Variants in NBEA observed in about 807,000 individuals in gnomAD.
NBEA encodes the protein neurobeachin, also known as lysosomal-trafficking regulator 2.
NBEA carries 44 observed loss-of-function variants against 343.4 expected under a neutral mutation model. The ratio of observed to expected loss-of-function variants is 0.13; its 90% confidence interval spans 0.10 to 0.16. NBEA has a LOEUF of 0.16. Ranked by LOEUF, NBEA falls within the 10% of genes least tolerant of loss-of-function variation. The probability of loss-of-function intolerance (pLI) is 1.00; values close to 1 mark genes in which losing one functional copy is unlikely to be tolerated. For synonymous variants in NBEA, 1,175 were observed against 1,238.7 expected (o/e 0.95, Z 1.08); for missense variants, 2,555 against 3,631.3 (o/e 0.70, Z 7.62).
chr13:35,185,496 C>T (rs1295077076), intron 30 of NBEA: 3 of 152,088 alleles, frequency 2.0e-5, no homozygotes, highest in African/African-American at 7.2e-5. Flanking sequence ...TGCTGGCTGA[C>T]AAACACATCT....
intron 10 of NBEA, among the ~76,000 whole-genome samples, chr13:35,088,674 C>A (rs2152622383): frequency 6.6e-6 from 1 of 151,840 alleles, no homozygotes; most frequent in South Asian, 2.1e-4. Context: ...TAAAAAAAAT[C>A]TAACCAAAAC....
chr13:35,406,492 A>G (rs1181660800), intron 38 of NBEA, among the ~76,000 whole-genome samples: 3 of 152,054 alleles, frequency 2.0e-5, no homozygotes, highest in Non-Finnish European at 2.9e-5. Context: ...AGTCCATTGT[A>G]TCATTCTTAT....
rs2035661230 is a variant in NBEA, at chr13:35,289,520, C to T, written c.5777-869C>T. Among the ~76,000 whole-genome samples, 3 of 151,820 alleles carry T rather than the reference C, an allele frequency of 2.0e-5. No homozygotes were observed. The South Asian group carries it at 6.2e-4, about 31-fold the overall frequency. Reference sequence around the variant, plus strand: ...CAATTAAGATCTGCTTTCTTATATACATCGTTATACAGCAGTCATACTTTT... The same window carrying T: ...CAATTAAGATCTGCTTTCTTATATATATCGTTATACAGCAGTCATACTTTT... On this transcript the variant is annotated intron_variant, in intron 34 of 58. Transcript: ENST00000379939.
intron 17 of NBEA, among the ~76,000 whole-genome samples, chr13:35,127,903 C>A (rs183352494): frequency 5.6e-4 from 84 of 151,116 alleles, no homozygotes; most frequent in African/African-American, 2.0e-3. Flanking sequence ...GTCTTACTGT[C>A]ATTAAAAAAA....
At chr13:35,045,482 A>C (rs1218363848) in intron 4 of NBEA, 81 bp downstream of exon 4, 2 of 1,121,464 alleles carry the variant, frequency 1.8e-6, no homozygotes, top group African/African-American at 1.6e-5. Context: ...CATATAATAA[A>C]ATTTACCAGT....
chr13:35,006,114 G>A (rs1287275755), intron 1 of NBEA, among the ~76,000 whole-genome samples: 7 of 151,938 alleles, frequency 4.6e-5, no homozygotes, highest in South Asian at 4.1e-4. Flanking sequence ...GTCTCTTTAC[G>A]TGTAATTATT....
At chr13:35,362,716 T>A (rs2040881981) in intron 38 of NBEA, among the ~76,000 whole-genome samples, 1 of 152,034 alleles carries the variant, frequency 6.6e-6, no homozygotes, top group African/African-American at 2.4e-5. Flanking sequence ...TTATGAGAGC[T>A]ATGTAAATGT....
intron 38 of NBEA, among the ~76,000 whole-genome samples, chr13:35,414,827 A>ACT (rs952815958): frequency 3.3e-5 from 5 of 152,160 alleles, no homozygotes; most frequent in Admixed American, 6.5e-5. Context: ...CAATGGTTGA[A>ACT]CTAGTTTACA....
At chr13:35,104,397 G>A (rs1489011576) in intron 11 of NBEA, among the ~76,000 whole-genome samples, 3 of 151,804 alleles carry the variant, frequency 2.0e-5, no homozygotes, top group Non-Finnish European at 4.4e-5. Flanking sequence ...GAAAGCAGGG[G>A]CAATGTATAT....
At chr13:35,503,231 T>C (rs909902061) in intron 41 of NBEA, among the ~76,000 whole-genome samples, 1 of 151,716 alleles carries the variant, frequency 6.6e-6, no homozygotes, top group African/African-American at 2.4e-5. Context: ...TTAAATATTA[T>C]AGTGTAGTCA....
At chr13:35,092,611 A>T (rs1190860400) in intron 10 of NBEA, among the ~76,000 whole-genome samples, 1 of 152,034 alleles carries the variant, frequency 6.6e-6, no homozygotes, top group Non-Finnish European at 1.5e-5. Flanking sequence ...ATGAAAAGAT[A>T]CTCAACATTA....
chr13:35,341,219 T>A (rs2039564533), intron 36 of NBEA, among the ~76,000 whole-genome samples: 1 of 151,744 alleles, frequency 6.6e-6, no homozygotes, highest in Non-Finnish European at 1.5e-5. Flanking sequence ...AAAGAACAAA[T>A]CTAGTCTCCA....
intron 6 of NBEA, 85 bp downstream of exon 6, chr13:35,050,480 T>C: frequency 7.5e-7 from 1 of 1,330,118 alleles, no homozygotes; most frequent in Non-Finnish European, 1.0e-6. Context: ...GTATTCTCTT[T>C]CACGGGTTTT....
chr13:35,550,649 T>G, intron 42 of NBEA, 55 bp downstream of exon 42: 1 of 1,087,336 alleles, frequency 9.2e-7, no homozygotes, highest in South Asian at 1.4e-5. Flanking sequence ...ATATTATTCA[T>G]TTACATGGTA....
chr13:35,600,342 T>G (rs2081992439), intron 47 of NBEA, among the ~76,000 whole-genome samples: 1 of 152,200 alleles, frequency 6.6e-6, no homozygotes, highest in African/African-American at 2.4e-5. Context: ...TGATGAATTT[T>G]TGCATGCCTC....
chr13:35,640,736 G>T (rs2083906283), intron 49 of NBEA, among the ~76,000 whole-genome samples: 1 of 152,148 alleles, frequency 6.6e-6, no homozygotes. Context: ...ATACAGATAA[G>T]CAGGTAAAAC....
intron 1 of NBEA, among the ~76,000 whole-genome samples, chr13:34,999,983 C>G (rs1445857503): frequency 6.6e-6 from 1 of 152,148 alleles, no homozygotes; most frequent in Non-Finnish European, 1.5e-5. Flanking sequence ...TTCCTTCTGT[C>G]TGTCTACATA....
At chr13:34,957,008 AAT>A (rs138069841) in intron 1 of NBEA, among the ~76,000 whole-genome samples, 141 of 150,372 alleles carry the variant, frequency 9.4e-4, no homozygotes, top group African/African-American at 3.1e-3. Context: ...TATCATGTGG[AAT>A]ATATATATAT....
chr13:34,960,094 T>G (rs1690652140), intron 1 of NBEA, among the ~76,000 whole-genome samples: 1 of 152,084 alleles, frequency 6.6e-6, no homozygotes, highest in Middle Eastern at 3.2e-3. Context: ...TCCATGGGTG[T>G]TGTTGCCCCT....
Sources: allele counts gnomAD v4.1 joint callset (sites outside exome capture counted in the v4.1 genomes callset), GRCh38; gene constraint gnomAD v4.1.1; transcripts MANE v1.5; gene names NCBI Gene and HGNC (gene_info 2026-07-23, HGNC 2026-07-21).